The following CNBD1 variants were observed in gnomAD, a reference collection of about 807,000 sequenced individuals.
CNBD1 encodes the protein cyclic nucleotide-binding domain-containing protein 1.
CNBD1 carries 71 observed loss-of-function variants against 54.4 expected under a neutral mutation model. The ratio of observed to expected loss-of-function variants is 1.30; its 90% CI spans 1.08 to 1.59. The LOEUF (loss-of-function observed/expected upper bound fraction) is 1.59. Among genes scored for constraint, CNBD1 ranks in the 40% most tolerant of loss-of-function variants. The pLI, the probability that CNBD1 is intolerant of heterozygous loss-of-function variation, is 0.00. For missense variants in CNBD1, 659 were observed against 518.0 expected, an observed-to-expected ratio of 1.27 and a Z score of -2.64; for synonymous variants, 182 against 170.7, an observed-to-expected ratio of 1.07 and a Z score of -0.51.
In CNBD1 at chr8:87,370,943, T is replaced by G. The variant is rs555193976; in HGVS notation, c.1304-11677T>G. Among the ~76,000 whole-genome samples the G allele has an allele frequency of 8.1e-3, 1,225 of 151,112 alleles. 33 individuals carry two copies. Among genetic ancestry groups the G allele is most frequent in the African/African-American group, 0.028 (1,159 of 40,670 alleles). ...AGGGATCCAGTTTCAGCTTTCTACA[T>G]ATGGCTAGCCAGTTTTCCCAGCACC... On this transcript the variant is annotated intron_variant, in intron 10 of 10. Coordinates refer to ENST00000518476, the MANE Select transcript of CNBD1 (RefSeq NM_173538.3).
At chr8:87,237,195 C>A in intron 6 of CNBD1, 83 bp downstream of exon 6, 1 of 740,902 alleles carries the variant, frequency 1.3e-6, no homozygotes, top group Non-Finnish European at 2.2e-6. Context: ...ACATTAAGAT[C>A]CAATATCTTT....
chr8:87,170,946 T>C (rs565639011), intron 4 of CNBD1, among the ~76,000 whole-genome samples: 1 of 152,300 alleles, frequency 6.6e-6, no homozygotes, highest in African/African-American at 2.4e-5. Flanking sequence ...GCACCAATAT[T>C]CATCGGAGAT....
chr8:87,309,586 A>G (rs1026745243), intron 8 of CNBD1, among the ~76,000 whole-genome samples: 4 of 152,132 alleles, frequency 2.6e-5, no homozygotes, highest in African/African-American at 9.7e-5. Flanking sequence ...CGATAAGAAA[A>G]GTTTTTGTAG....
At chr8:87,372,534 G>A (rs1279340631) in intron 10 of CNBD1, among the ~76,000 whole-genome samples, 11 of 151,988 alleles carry the variant, frequency 7.2e-5, no homozygotes, top group Middle Eastern at 3.4e-3. Flanking sequence ...CACCATAAAC[G>A]TGGTCTCCAA....
chr8:87,357,609 G>A (rs1387070417), intron 10 of CNBD1, among the ~76,000 whole-genome samples: 1 of 152,148 alleles, frequency 6.6e-6, no homozygotes, highest in African/African-American at 2.4e-5. Flanking sequence ...CTGTATCTTG[G>A]AAATTAATAA....
At chr8:87,110,018 ATT>A (rs1309581764) in intron 4 of CNBD1, among the ~76,000 whole-genome samples, 3 of 152,088 alleles carry the variant, frequency 2.0e-5, no homozygotes, top group African/African-American at 7.2e-5. Flanking sequence ...CAGCTAAACC[ATT>A]TGCCACTGCC....
chr8:86,890,971 C>T (rs1446400518), intron 2 of CNBD1, among the ~76,000 whole-genome samples: 1 of 141,264 alleles, frequency 7.1e-6, no homozygotes, highest in Non-Finnish European at 1.5e-5. Context: ...GAGTTGAGTT[C>T]CTTGTATATT....
intron 2 of CNBD1, among the ~76,000 whole-genome samples, chr8:87,425,344 T>C (rs1210814461): frequency 6.6e-6 from 1 of 152,206 alleles, no homozygotes; most frequent in Non-Finnish European, 1.5e-5. Flanking sequence ...CCGTCCAGCT[T>C]TGTTCCGTTG....
chr8:86,939,003 T>C (rs1332122114), intron 3 of CNBD1, among the ~76,000 whole-genome samples: 2 of 152,176 alleles, frequency 1.3e-5, no homozygotes, highest in African/African-American at 4.8e-5. Context: ...CAGACAGCAC[T>C]TGTTGTATTT....
At chr8:87,181,819 C>G (rs1050094194) in intron 4 of CNBD1, among the ~76,000 whole-genome samples, 1 of 152,082 alleles carries the variant, frequency 6.6e-6, no homozygotes, top group Non-Finnish European at 1.5e-5. Flanking sequence ...TTAGAACTTT[C>G]TTCTTTCTAA....
At chr8:87,031,074 T>C (rs1441093659) in intron 4 of CNBD1, among the ~76,000 whole-genome samples, 2 of 150,748 alleles carry the variant, frequency 1.3e-5, no homozygotes, top group Non-Finnish European at 2.9e-5. Flanking sequence ...TTGGGTTTTA[T>C]AGATGCTCCC....
At chr8:86,978,659 C>G (rs1808399851) in intron 4 of CNBD1, among the ~76,000 whole-genome samples, 1 of 150,586 alleles carries the variant, frequency 6.6e-6, no homozygotes, top group Non-Finnish European at 1.5e-5. Context: ...TCTCCTGCCT[C>G]AGCCTTCAGA....
chr8:87,050,808 A>ATGTTGCAGGGGC (rs1223841171), intron 4 of CNBD1, among the ~76,000 whole-genome samples: 4 of 152,110 alleles, frequency 2.6e-5, no homozygotes, highest in Non-Finnish European at 5.9e-5. Flanking sequence ...CTAATATTGG[A>ATGTTGCAGGGGC]TGTTGCAGGG....
At chr8:87,222,334 T>G (rs1814358425) in intron 5 of CNBD1, among the ~76,000 whole-genome samples, 1 of 151,608 alleles carries the variant, frequency 6.6e-6, no homozygotes, top group Non-Finnish European at 1.5e-5. Context: ...TGCCTAAAAT[T>G]ATCTAGGCTG....
At chr8:87,404,595 T>C (rs1454467863) in intron 2 of CNBD1, among the ~76,000 whole-genome samples, 1 of 152,102 alleles carries the variant, frequency 6.6e-6, no homozygotes, top group Non-Finnish European at 1.5e-5. Flanking sequence ...TTGTTGCATG[T>C]AGAAGTGGTT....
intron 4 of CNBD1, among the ~76,000 whole-genome samples, chr8:87,199,209 T>A (rs894596840): frequency 6.6e-6 from 1 of 152,156 alleles, no homozygotes; most frequent in African/African-American, 2.4e-5. Flanking sequence ...ATGGCAATGG[T>A]GTCTCAACAC....
At chr8:87,112,824 A>C (rs1811691588) in intron 4 of CNBD1, among the ~76,000 whole-genome samples, 1 of 152,146 alleles carries the variant, frequency 6.6e-6, no homozygotes, top group African/African-American at 2.4e-5. Flanking sequence ...CCATCCTTAA[A>C]GAGTCTACTT....
chr8:87,408,559 A>G (rs1466131348), intron 2 of CNBD1, among the ~76,000 whole-genome samples: 2 of 152,072 alleles, frequency 1.3e-5, no homozygotes, highest in South Asian at 2.1e-4. Context: ...TTCGTCTCTC[A>G]GTATTTATGA....
chr8:86,975,052 C>A (rs1403527235), intron 4 of CNBD1, among the ~76,000 whole-genome samples: 1 of 151,946 alleles, frequency 6.6e-6, no homozygotes, highest in African/African-American at 2.4e-5. Flanking sequence ...CTGTGTTCAA[C>A]AAAATTACCT....
Sources: gnomAD v4.1 joint callset for allele counts (sites outside exome capture counted in the v4.1 genomes callset) on GRCh38, gnomAD v4.1.1 for gene constraint, MANE v1.5 for transcripts, NCBI Gene and HGNC (gene_info 2026-07-23, HGNC 2026-07-21) for gene names.